The following VPS39 variants were observed in gnomAD, a reference collection of about 807,000 sequenced individuals.
VPS39 encodes the protein vam6/Vps39-like protein.
Under a neutral mutation model 121.0 loss-of-function variants are expected in VPS39, and 70 were observed. That is an observed-to-expected ratio of 0.58 (90% CI 0.48 to 0.71). VPS39 has a LOEUF of 0.71. Ranked by LOEUF, VPS39 falls within the 30% of genes least tolerant of loss-of-function variation. The probability of loss-of-function intolerance (pLI) is 0.00; values close to 1 mark genes in which losing one functional copy is unlikely to be tolerated. For synonymous variants in VPS39, 378 were observed against 398.1 expected, an observed-to-expected ratio of 0.95 and a Z score of 0.60; for missense variants, 818 against 1,051.5, an observed-to-expected ratio of 0.78 and a Z score of 3.07.
chr15:42,189,794 CTTTTTTTTTTTTTTT>C (rs34353468), intron 4 of VPS39, among the ~76,000 whole-genome samples: 1 of 34,026 alleles, frequency 2.9e-5, no homozygotes, highest in African/African-American at 9.0e-5. Flanking sequence ...CCAAAACACT[CTTTTTTTTTTTTTTT>C]TTTTTTTTTT....
In VPS39 at chr15:42,173,736, A is replaced by T; in HGVS notation, c.1077T>A (p.Ala359=). The change falls in exon 11 of 25, where the codon GCT becomes GCA. Residue 359 remains alanine (A), a synonymous_variant. Transcript: ENST00000318006. ...KRFDESMQVF[A]KLGTDPTHVM... is the part of the protein sequence containing the mutation. ...ACCACTTGTTACCTGTGCCAAGTTT[A>T]GCAAAGACCTGCATGGACTCATCAA... The T allele has an allele frequency of 6.2e-7, 1 of 1,614,066 alleles. No individual in the cohort carries two copies. The highest frequency in any genetic ancestry group is 8.5e-7 in the Non-Finnish European group (1 of 1,179,948).
Position 42,184,503 on chromosome 15 carries a change from A to G in VPS39, c.718+14T>C. ...CAACCCAAAGTGGGAAACAGCAGCTACTGTTGGTCTCACCCATGGCCACTG... is the reference window on the plus strand; with the variant it reads ...CAACCCAAAGTGGGAAACAGCAGCTGCTGTTGGTCTCACCCATGGCCACTG... On this transcript the variant is annotated intron_variant, in intron 8 of 24. Coordinates refer to ENST00000318006, the MANE Select transcript of VPS39 (RefSeq NM_015289.5). 1 of 1,581,712 alleles carries G rather than the reference A, an allele frequency of 6.3e-7. No homozygotes were observed. Among genetic ancestry groups the G allele is most frequent in the Non-Finnish European group, 8.6e-7 (1 of 1,165,830 alleles).
rs374443736 is a variant in VPS39, at chr15:42,166,856, C to T, written c.1435G>A (p.Glu479Lys). Residue 479 changes from glutamate (E) to lysine (K), a missense_variant, in exon 14 of 25, where the codon GAG becomes AAG. Coordinates refer to ENST00000318006, the MANE Select transcript of VPS39 (RefSeq NM_015289.5). ...TTCTTTAGCACGTGCTCGCTCTCCT[C>T]GATGTGGCAGTGATTGTTCTCCAGG... ...LRLENNHCHIEESEHVLKKAH... is the reference protein window; with the variant it reads ...LRLENNHCHIKESEHVLKKAH... 39 of 1,614,116 alleles carry T rather than the reference C, an allele frequency of 2.4e-5. No homozygotes were observed. In the South Asian group the frequency reaches 2.6e-4, roughly 11 times the overall value.
intron 11 of VPS39, among the ~76,000 whole-genome samples, chr15:42,171,982 C>T (rs867539639): frequency 6.6e-6 from 1 of 152,164 alleles, no homozygotes; most frequent in African/African-American, 2.4e-5. Flanking sequence ...TGACCTAATC[C>T]TGGCTAATCA....
chr15:42,208,190 A>G lies in VPS39; in HGVS notation c.-37T>C, dbSNP rs940339914. On this transcript the variant is annotated 5_prime_UTR_variant, in exon 1 of 25. Transcript: ENST00000318006. The stretch of plus-strand genomic sequence containing the variant: ...GAGAGTTGCCACCGCCGTCTCGCCC[A>G]GAGTGTTCCGGGCCGGGCTGGGGTC... The G allele has an allele frequency of 1.9e-6, 3 of 1,554,808 alleles. No individual in the cohort carries two copies. Among genetic ancestry groups the G allele is most frequent in the Admixed American group, 1.9e-5 (1 of 51,546 alleles).
In VPS39 at chr15:42,162,212, T is replaced by C. The variant is rs769783812; in HGVS notation, c.2326-46A>G. 7 of 1,611,060 alleles carry C rather than the reference T, an allele frequency of 4.3e-6. No homozygotes were observed. The Admixed American group carries it at 5.0e-5, about 12-fold the overall frequency. ...AGGGACTGGGTGAGGTGAACAGGAG[T>C]GAGAATGAAGAAATGTCTGCAGCCG... On this transcript the variant is annotated intron_variant, in intron 22 of 24. Coordinates refer to ENST00000318006, the MANE Select transcript of VPS39 (RefSeq NM_015289.5).
At chr15:42,195,140 T>G (rs1199626225) in intron 2 of VPS39, among the ~76,000 whole-genome samples, 12 of 151,954 alleles carry the variant, frequency 7.9e-5, no homozygotes, top group African/African-American at 2.7e-4. Context: ...CCCTCTCAGT[T>G]CAAAATAAGA....
At chr15:42,184,445 G>T in intron 8 of VPS39, 72 bp downstream of exon 8, 1 of 1,467,750 alleles carries the variant, frequency 6.8e-7, no homozygotes. Context: ...AGCTACGAAT[G>T]GGACTCCGTT....
At position 42,165,776 on chromosome 15, in the gene VPS39, C is replaced by T. The variant is rs765608707; in HGVS notation, c.1721G>A (p.Arg574His). Reference protein sequence around the residue: ...EDLPEVESLPRDRVLGFLIEN... With the variant: ...EDLPEVESLPHDRVLGFLIEN... ...TATTAAGAAGCCGAGGACTCGATCA[C>T]GTGGCAGAGACTCCACTTCCGGGAG... The change falls in exon 17 of 25, where the codon CGT becomes CAT. Residue 574 changes from arginine to histidine, a missense_variant. Coordinates refer to ENST00000318006, the MANE Select transcript of VPS39 (RefSeq NM_015289.5). 1.2e-5 allele frequency: 19 copies of T among 1,614,174 alleles called. No individual in the cohort carries two copies. Among genetic ancestry groups the T allele is most frequent in the East Asian group, 4.5e-5 (2 of 44,890 alleles).
At chr15:42,187,642 T>C (rs2049730539) in intron 6 of VPS39, 116 bp downstream of exon 6, 1 of 940,312 alleles carries the variant, frequency 1.1e-6, no homozygotes, top group Non-Finnish European at 1.7e-6. Context: ...TCTCATGCAC[T>C]TCATACCAGA....
chr15:42,197,900 A>G (rs1162647977), intron 2 of VPS39, among the ~76,000 whole-genome samples: 1 of 152,232 alleles, frequency 6.6e-6, no homozygotes, highest in Non-Finnish European at 1.5e-5. Context: ...GGCCCACATC[A>G]GGCCAGATCT....
At chr15:42,208,042 G>A in intron 1 of VPS39, 39 bp downstream of exon 1, 1 of 1,553,572 alleles carries the variant, frequency 6.4e-7, no homozygotes, top group Non-Finnish European at 8.7e-7. Context: ...GACCGCTCCT[G>A]TGCTGACTCC....
rs187191900 is a variant in VPS39 at position 42,165,762 on chromosome 15, C to G, written c.1735G>C (p.Gly579Arg). 1.2e-6 allele frequency: 2 copies of G among 1,614,016 alleles called. No individual in the cohort carries two copies. Among genetic ancestry groups the G allele is most frequent in the African/African-American group, 2.7e-5 (2 of 74,890 alleles). ...CCCTTAAAATTCTCTATTAAGAAGC[C>G]GAGGACTCGATCACGTGGCAGAGAC... ...VESLPRDRVLGFLIENFKGLA... is the reference protein window; with the variant it reads ...VESLPRDRVLRFLIENFKGLA... Residue 579 changes from glycine to arginine, a missense_variant, in exon 17 of 25, where the codon GGC (glycine) becomes CGC (arginine). Physicochemically the swap from Gly to Arg is moderately radical, Grantham distance 125. Transcript: ENST00000318006.
At chr15:42,190,848 TG>T (rs1186544001) in intron 4 of VPS39, among the ~76,000 whole-genome samples, 1 of 152,220 alleles carries the variant, frequency 6.6e-6, no homozygotes, top group Non-Finnish European at 1.5e-5. Flanking sequence ...TCACTGAACT[TG>T]GTATCCCGAA....
chr15:42,192,853 A>G (rs150836572), intron 2 of VPS39, among the ~76,000 whole-genome samples: 2,167 of 152,070 alleles, frequency 0.014, 47 homozygotes, highest in African/African-American at 0.05. Context: ...ATCTCAGCTC[A>G]CTGCAACATC....
chr15:42,179,627 T>TA (rs1244268516), intron 8 of VPS39, among the ~76,000 whole-genome samples: 1 of 136,248 alleles, frequency 7.3e-6, no homozygotes, highest in South Asian at 2.3e-4. Flanking sequence ...ATAAATAAAA[T>TA]AAAAAATAAA....
At chr15:42,190,203 T>C (rs572603958) in intron 4 of VPS39, among the ~76,000 whole-genome samples, 1 of 152,306 alleles carries the variant, frequency 6.6e-6, no homozygotes, top group Admixed American at 6.5e-5. Context: ...CTACTCACAT[T>C]AGGAGGCTCC....
chr15:42,208,261 C>T lies in VPS39; in HGVS notation c.-108G>A. ...GGTAGACCGGGATCCGGCCAGGAAC[C>T]CCCCGGCTACAGGCCCTTCAACAAC... On this transcript the variant is annotated 5_prime_UTR_variant, in exon 1 of 25. Transcript: ENST00000318006. 1.4e-6 allele frequency: 2 copies of T among 1,423,732 alleles called. No homozygotes were observed. Among genetic ancestry groups the T allele is most frequent in the East Asian group, 2.5e-5 (1 of 39,222 alleles). The allele number at this position is 1,423,732 out of a possible 1,614,324, so 88.2% of individuals were successfully genotyped here.
At chr15:42,167,915 T>A (rs565079823) in intron 12 of VPS39, among the ~76,000 whole-genome samples, 1 of 152,338 alleles carries the variant, frequency 6.6e-6, no homozygotes, top group South Asian at 2.1e-4. Flanking sequence ...AAAATCAACC[T>A]TATTGAGGTA....
Sources: gnomAD v4.1 joint callset for allele counts (sites outside exome capture counted in the v4.1 genomes callset) on GRCh38, gnomAD v4.1.1 for gene constraint, MANE v1.5 for transcripts, NCBI Gene and HGNC (gene_info 2026-07-23, HGNC 2026-07-21) for gene names.